Variants in MINDY4 observed in about 807,000 individuals in gnomAD.
MINDY4 encodes MINDY lysine 48 deubiquitinase 4, also known as probable ubiquitin carboxyl-terminal hydrolase MINDY-4.
A neutral mutation model predicts 87.0 loss-of-function variants in MINDY4; 68 were observed. That is an observed-to-expected ratio of 0.78 (90% CI 0.64 to 0.96). MINDY4 has a LOEUF of 0.96. MINDY4 is among the 40% of genes least tolerant of loss of function. The pLI, the probability that MINDY4 is intolerant of heterozygous loss-of-function variation, is 0.00. For missense variants in MINDY4, 919 were observed against 928.2 expected (o/e 0.99, Z 0.13); for synonymous variants, 379 against 363.2 (o/e 1.04, Z -0.50).
chr7:30,875,169 G>A (rs1790221633), intron 14 of MINDY4, among the ~76,000 whole-genome samples: 1 of 152,124 alleles, frequency 6.6e-6, no homozygotes, highest in Non-Finnish European at 1.5e-5. Context: ...TAGACCCAAA[G>A]CACATGTCAA....
At chr7:30,797,166 T>C (rs1361730657) in intron 5 of MINDY4, among the ~76,000 whole-genome samples, 1 of 152,180 alleles carries the variant, frequency 6.6e-6, no homozygotes, top group East Asian at 1.9e-4. Flanking sequence ...TGTTAACATT[T>C]ACCAGCACAC....
rs763774878 is a variant in MINDY4 at position 30,839,298 on chromosome 7, C to T, written c.1338C>T (p.Tyr446=). Residue 446 remains tyrosine, a synonymous_variant, in exon 8 of 18, where the codon TAC becomes TAT. Coordinates refer to ENST00000265299, the MANE Select transcript of MINDY4 (RefSeq NM_032222.3). Reference sequence around the variant, plus strand: ...TTAGTAACACAGCCTCATTAAAATACGGCATAGTGCAGAACAAGGCAGGTT... The same window carrying T: ...TTAGTAACACAGCCTCATTAAAATATGGCATAGTGCAGAACAAGGCAGGTT... ...FSFSNTASLK[Y]GIVQNKGGPC... is the part of the protein sequence containing the mutation. The T allele has an allele frequency of 3.0e-5, 48 of 1,605,804 alleles. No homozygotes were observed. Among genetic ancestry groups the T allele is most frequent in the Admixed American group, 6.8e-5 (4 of 58,744 alleles).
chr7:30,864,650 C>T (rs1384674659), intron 13 of MINDY4, among the ~76,000 whole-genome samples: 1 of 152,234 alleles, frequency 6.6e-6, no homozygotes, highest in Admixed American at 6.5e-5. Context: ...TTGCCGTGGC[C>T]AGGCCTGGGC....
At chr7:30,777,926 G>A (rs1304275377) in intron 1 of MINDY4, among the ~76,000 whole-genome samples, 1 of 152,204 alleles carries the variant, frequency 6.6e-6, no homozygotes, top group South Asian at 2.1e-4. Context: ...ATGATGGAAA[G>A]TGGCTTTGCT....
intron 15 of MINDY4, among the ~76,000 whole-genome samples, chr7:30,877,444 C>T (rs1433141211): frequency 3.3e-5 from 5 of 152,128 alleles, no homozygotes; most frequent in African/African-American, 4.8e-5. Context: ...TTCTTGGATC[C>T]GCATAGACCC....
intron 5 of MINDY4, among the ~76,000 whole-genome samples, chr7:30,802,679 A>G (rs926136166): frequency 5.9e-5 from 9 of 152,220 alleles, no homozygotes; most frequent in Non-Finnish European, 1.0e-4. Flanking sequence ...TATAATTGAA[A>G]CAATTTGAAC....
rs1052595697 is a variant in MINDY4, at chr7:30,882,060, A to G, written c.1972-121A>G. ...CAGCGTGAGGGGCTCCCAGCATCAG[A>G]CACAAACGTGATCTTCAGCAGGGCC... is the stretch of plus-strand genomic sequence containing the variant. On this transcript the variant is annotated intron_variant, in intron 15 of 17. Transcript: ENST00000265299. The G allele has an allele frequency of 1.1e-5, 11 of 1,002,854 alleles. No homozygotes were observed. The African/African-American group carries it at 1.8e-4, about 16-fold the overall frequency. The allele number at this position is 1,002,854 out of a possible 1,614,324, so 62.1% of individuals were successfully genotyped here. A position where few individuals can be genotyped will look rare whatever the true frequency, so the allele number is the denominator to read the frequency against.
chr7:30,815,178 AACTCCTTCAGGCAGCC>A (rs1213894671), intron 5 of MINDY4, among the ~76,000 whole-genome samples: 3 of 152,202 alleles, frequency 2.0e-5, no homozygotes, highest in African/African-American at 4.8e-5. Context: ...AACTGGCAGC[AACTCCTTCAGGCAGCC>A]ACTCCTTCAG....
At position 30,782,018 on chromosome 7, in the gene MINDY4, CA is replaced by C. The variant is rs752842737; in HGVS notation, c.226del (p.Arg76AspfsTer42). 6.2e-7 allele frequency: 1 copy of C among 1,614,080 alleles called. No homozygotes were observed. The highest frequency in any genetic ancestry group is 1.1e-5 in the South Asian group (1 of 91,064). On this transcript the variant is annotated frameshift_variant, in exon 3 of 18. Coordinates refer to ENST00000265299, the MANE Select transcript of MINDY4 (RefSeq NM_032222.3). LOFTEE classifies it high-confidence loss of function. ...TAAAAACAAGCCTTGAACTCATCAC[CA>C]GATACTTTCTGGATCACTTTGGAAA... ...PLKTSLELITRYFLDHFGNTA... is the reference protein window; with the variant it reads ...PLKTSLELITXYFLDHFGNTA...
chr7:30,789,553 C>T (rs1764536100), intron 4 of MINDY4, among the ~76,000 whole-genome samples: 1 of 152,198 alleles, frequency 6.6e-6, no homozygotes, highest in Admixed American at 6.5e-5. Flanking sequence ...GCAGCAGCTC[C>T]AGCTCCCTTC....
chr7:30,879,344 G>A (rs1458424301), intron 15 of MINDY4, among the ~76,000 whole-genome samples: 1 of 152,152 alleles, frequency 6.6e-6, no homozygotes, highest in Non-Finnish European at 1.5e-5. Flanking sequence ...AAGCTCAGGG[G>A]CACGGCCTTC....
intron 5 of MINDY4, among the ~76,000 whole-genome samples, chr7:30,800,841 A>G (rs1013783855): frequency 1.3e-5 from 2 of 152,186 alleles, no homozygotes; most frequent in Non-Finnish European, 2.9e-5. Flanking sequence ...CTCCTCTGAC[A>G]CTGGGGATGC....
At chr7:30,883,819 A>T (rs1347045132) in intron 17 of MINDY4, among the ~76,000 whole-genome samples, 4 of 151,422 alleles carry the variant, frequency 2.6e-5, no homozygotes, top group Non-Finnish European at 4.4e-5. Context: ...AACCTTTATG[A>T]GTGTGGGCTC....
intron 7 of MINDY4, among the ~76,000 whole-genome samples, 165 bp from the exon 8 acceptor site, chr7:30,839,035 T>C (rs1231977617): frequency 6.6e-6 from 1 of 152,128 alleles, no homozygotes; most frequent in Non-Finnish European, 1.5e-5. Context: ...TCATCAAATA[T>C]AAGAAGAATG....
chr7:30,852,998 C>A (rs376617307), intron 11 of MINDY4, among the ~76,000 whole-genome samples: 1 of 152,200 alleles, frequency 6.6e-6, no homozygotes, highest in African/African-American at 2.4e-5. Flanking sequence ...AGGACACAGC[C>A]TGTTGGCTTC....
intron 1 of MINDY4, among the ~76,000 whole-genome samples, chr7:30,777,471 C>T (rs376810984): frequency 6.6e-6 from 1 of 152,180 alleles, no homozygotes; most frequent in East Asian, 1.9e-4. Flanking sequence ...TTTCCATTTC[C>T]CTTCCCTACG....
At chr7:30,869,092 C>G (rs962146531) in intron 13 of MINDY4, among the ~76,000 whole-genome samples, 4 of 152,226 alleles carry the variant, frequency 2.6e-5, no homozygotes, top group Admixed American at 6.5e-5. Flanking sequence ...CTCCTGGCTC[C>G]TGTCATCCAG....
rs76564136 is a variant in MINDY4, at chr7:30,794,536, A to G, written c.1073+2962A>G. ...GGTTAGGGGGCAGGTGGAGGATGCA[A>G]CCTGCTGAGATGTTAGGCGGTGTGA... is the stretch of plus-strand genomic sequence containing the variant. On this transcript the variant is annotated intron_variant, in intron 5 of 17. Transcript: ENST00000265299. Among the ~76,000 whole-genome samples, 219 of 152,210 alleles carry G rather than the reference A, an allele frequency of 1.4e-3. 7 individuals are homozygous for G. In the East Asian group the frequency reaches 0.037, roughly 26 times the overall value.
chr7:30,877,538 C>A (rs1790299172), intron 15 of MINDY4, among the ~76,000 whole-genome samples: 1 of 152,168 alleles, frequency 6.6e-6, no homozygotes. Flanking sequence ...CTTGCAACTG[C>A]AAGCTCACTA....
Sources: allele counts gnomAD v4.1 joint callset (sites outside exome capture counted in the v4.1 genomes callset), GRCh38; gene constraint gnomAD v4.1.1; transcripts MANE v1.5; gene names NCBI Gene and HGNC (gene_info 2026-07-23, HGNC 2026-07-21).